Variants in DEGS2 observed in about 807,000 individuals in gnomAD.
DEGS2 encodes the protein sphingolipid delta(4)-desaturase/C4-monooxygenase DES2.
Under a neutral mutation model 23.8 loss-of-function variants are expected in DEGS2, and 19 were observed. That is an observed-to-expected ratio of 0.80 (90% confidence interval 0.56 to 1.17). The LOEUF (loss-of-function observed/expected upper bound fraction) is 1.17. Among genes scored for constraint, DEGS2 ranks in the 50% most tolerant of loss-of-function variants. DEGS2 has a pLI of 0.00. For missense variants in DEGS2, 390 were observed against 459.5 expected (o/e 0.85, Z 1.38); for synonymous variants, 218 against 213.7 (o/e 1.02, Z -0.18).
At chr14:100,146,974 A>G (rs1889458658) in intron 2 of DEGS2, 67 bp from the exon 3 acceptor site, 2 of 1,559,200 alleles carry the variant, frequency 1.3e-6, no homozygotes, top group African/African-American at 2.7e-5. Context: ...GCACACACGC[A>G]GACACCTGAG....
intron 1 of DEGS2, among the ~76,000 whole-genome samples, chr14:100,150,112 C>A (rs35088057): frequency 0.31 from 47,114 of 152,212 alleles, 7,699 homozygotes; most frequent in South Asian, 0.43. Flanking sequence ...CCAGCGCCCG[C>A]AGCAAAGTGG....
At chr14:100,157,570 T>C (rs1283716379) in intron 1 of DEGS2, among the ~76,000 whole-genome samples, 2 of 152,174 alleles carry the variant, frequency 1.3e-5, no homozygotes, top group African/African-American at 2.4e-5. Flanking sequence ...TTCCACAGCA[T>C]ACGGGAGGCA....
upstream of DEGS2, among the ~76,000 whole-genome samples, chr14:100,163,541 C>T (rs745574256): frequency 1.1e-4 from 17 of 152,286 alleles, no homozygotes; most frequent in Middle Eastern, 6.8e-3. Context: ...AGGATCCAAG[C>T]GGCCTCATAG....
intron 1 of DEGS2, among the ~76,000 whole-genome samples, chr14:100,153,558 A>G (rs996935885): frequency 6.6e-6 from 1 of 152,178 alleles, no homozygotes; most frequent in Non-Finnish European, 1.5e-5. Flanking sequence ...GCAGGCCTGC[A>G]TGGGCTCTGG....
intron 1 of DEGS2, among the ~76,000 whole-genome samples, chr14:100,150,030 G>A (rs986939206): frequency 7.2e-5 from 11 of 152,228 alleles, no homozygotes; most frequent in Non-Finnish European, 1.3e-4. Context: ...CAGCGAAGAC[G>A]ATTCAGAGGC....
chr14:100,149,825 G>T, intron 1 of DEGS2, 115 bp from the exon 2 acceptor site: 4 of 1,118,484 alleles, frequency 3.6e-6, no homozygotes, highest in Non-Finnish European at 1.3e-6. Context: ...AGCAAACCTC[G>T]CTGGTCCCTT....
In DEGS2 at chr14:100,159,534, C is replaced by T; in HGVS notation, c.54G>A (p.Pro18=). ...SDFEWVYTDQ[P]HTQRRKEILA... Reference sequence around the variant, plus strand: ...GTATCTCCTTGCGCCGCTGCGTGTGCGGCTGGTCGGTGTAGACCCACTCGA... The same window carrying T: ...GTATCTCCTTGCGCCGCTGCGTGTGTGGCTGGTCGGTGTAGACCCACTCGA... Residue 18 remains proline (P), a synonymous_variant, in exon 1 of 3, where the codon CCG becomes CCA. Coordinates refer to ENST00000305631, the MANE Select transcript of DEGS2 (RefSeq NM_206918.3). 2 of 1,509,974 alleles carry T rather than the reference C, an allele frequency of 1.3e-6. No individual in the cohort carries two copies. The highest frequency in any genetic ancestry group is 1.8e-6 in the Non-Finnish European group (2 of 1,130,888). 93.5% of individuals were successfully genotyped at this position (1,509,974 alleles called of 1,614,324 possible). A position where few individuals can be genotyped will look rare whatever the true frequency, so the allele number is the denominator to read the frequency against.
At chr14:100,155,918 G>A (rs1390139366) in intron 1 of DEGS2, among the ~76,000 whole-genome samples, 3 of 152,038 alleles carry the variant, frequency 2.0e-5, no homozygotes, top group Non-Finnish European at 4.4e-5. Context: ...ACGCCTGGCT[G>A]GGTCTCTGAT....
At position 100,148,972 on chromosome 14, in the gene DEGS2, G is replaced by A. The variant is rs769258060; in HGVS notation, c.821C>T (p.Pro274Leu). 11 of 1,611,270 alleles carry A rather than the reference G, an allele frequency of 6.8e-6. No individual in the cohort carries two copies. The highest frequency in any genetic ancestry group is 3.3e-5 in the Admixed American group (2 of 59,968). The change falls in exon 2 of 3, where the codon CCG becomes CTG. Residue 274 changes from proline (P) to leucine (L), a missense_variant. Coordinates refer to ENST00000305631, the MANE Select transcript of DEGS2 (RefSeq NM_206918.3). ...CCTGCCAGCCCAGCCACATACCAGC[G>A]GCAGGTTGTAGCCCGGGATGCTGGG... ...DFPSIPGYNLPLVRKIAPEYY... is the reference protein window; with the variant it reads ...DFPSIPGYNLLLVRKIAPEYY...
chr14:100,157,385 G>A (rs1341162580), intron 1 of DEGS2, among the ~76,000 whole-genome samples: 1 of 152,344 alleles, frequency 6.6e-6, no homozygotes, highest in Non-Finnish European at 1.5e-5. Context: ...TGAAGCTGGG[G>A]ATAGCCAGGG....
chr14:100,149,675 C>G lies in DEGS2; in HGVS notation c.118G>C (p.Asp40His). The G allele has an allele frequency of 1.2e-6, 2 of 1,609,838 alleles. No homozygotes were observed. Among genetic ancestry groups the G allele is most frequent in the Non-Finnish European group, 1.7e-6 (2 of 1,178,402 alleles). The change falls in exon 2 of 3, where the codon GAC becomes CAC. Residue 40 changes from aspartate (D) to histidine (H), a missense_variant. By Grantham distance (81) the Asp-to-His change is moderately conservative (BLOSUM62 -1). Coordinates refer to ENST00000305631, the MANE Select transcript of DEGS2 (RefSeq NM_206918.3). ...AGCACCGCCCACTTGAGGCGCGGGT[C>G]TGGCCGCATCAGGGCCTTGATGGCC... is the stretch of plus-strand genomic sequence containing the variant. The part of the protein sequence containing the change: ...YPAIKALMRP[D>H]PRLKWAVLVL...
intron 1 of DEGS2, chr14:100,155,832 AAAAC>A (rs768945212): frequency 1.3e-5 from 2 of 151,996 alleles, no homozygotes; most frequent in Admixed American, 6.5e-5. Context: ...TCATAATTTA[AAAAC>A]AAACAAAATT....
At chr14:100,162,070 G>T (rs1190098045), upstream of DEGS2, among the ~76,000 whole-genome samples, 6 of 149,948 alleles carry the variant, frequency 4.0e-5, no homozygotes, top group Non-Finnish European at 5.9e-5. Context: ...TAAATAGGCC[G>T]GGCACGGTGG....
chr14:100,149,281 G>T lies in DEGS2; in HGVS notation c.512C>A (p.Ser171Ter). 1.2e-6 allele frequency: 2 copies of T among 1,612,836 alleles called. No homozygotes were observed. The highest frequency in any genetic ancestry group is 1.7e-6 in the Non-Finnish European group (2 of 1,179,898). ...GGGGTGGACGCAGAGCGGCCGTAGT[G>T]AGTAGAAGAAGGGCTGCAGCACCAG... ...LWLVLQPFFYSLRPLCVHPKA... is the reference protein window; with the variant it reads ...LWLVLQPFFY The change falls in exon 2 of 3, where the codon TCA becomes TAA. Residue 171 changes from serine (S) to a stop codon, truncating the protein, a stop_gained. Coordinates refer to ENST00000305631, the MANE Select transcript of DEGS2 (RefSeq NM_206918.3). LOFTEE classifies it high-confidence loss of function.
chr14:100,164,789 A>G, the DEGS2 span, among the ~76,000 whole-genome samples: 1 of 152,364 alleles, frequency 6.6e-6, no homozygotes, highest in African/African-American at 2.4e-5. Flanking sequence ...AGTAATATCT[A>G]TGAAAGCTGC....
In DEGS2 at chr14:100,149,577, C is replaced by G. The variant is rs1455182947; in HGVS notation, c.216G>C (p.Trp72Cys). 6.2e-7 allele frequency: 1 copy of G among 1,609,142 alleles called. No individual in the cohort carries two copies. Among genetic ancestry groups the G allele is most frequent in the East Asian group, 2.2e-5 (1 of 44,782 alleles). Residue 72 changes from tryptophan (W) to cysteine (C), a missense_variant, in exon 2 of 3, where the codon TGG becomes TGC. By Grantham distance (215) the Trp-to-Cys change is radical. Coordinates refer to ENST00000305631, the MANE Select transcript of DEGS2 (RefSeq NM_206918.3). ...TCACGCAGCCACCAAAGGCGTAGGC[C>G]CAGAACAGCAGCCAGCGCCAGGCCA... The part of the protein sequence containing the change: ...RGLAWRWLLF[W>C]AYAFGGCVNH...
the DEGS2 span, among the ~76,000 whole-genome samples, chr14:100,166,453 C>T: frequency 1.3e-5 from 2 of 152,026 alleles, no homozygotes; most frequent in Non-Finnish European, 2.9e-5. Context: ...GCAGGAGGCG[C>T]CCTACCCTCA....
At chr14:100,153,127 G>A (rs948035394) in intron 1 of DEGS2, among the ~76,000 whole-genome samples, 1 of 151,946 alleles carries the variant, frequency 6.6e-6, no homozygotes, top group African/African-American at 2.4e-5. Flanking sequence ...GTGGTGGTGT[G>A]TGCCTGTGGT....
upstream of DEGS2, among the ~76,000 whole-genome samples, chr14:100,161,952 C>T (rs1040518278): frequency 7.9e-5 from 12 of 151,712 alleles, no homozygotes; most frequent in African/African-American, 2.9e-4. Context: ...CACCTGTAAT[C>T]GAGGCAGGAG....
Sources: allele counts gnomAD v4.1 joint callset (sites outside exome capture counted in the v4.1 genomes callset), GRCh38; gene constraint gnomAD v4.1.1; transcripts MANE v1.5; gene names NCBI Gene and HGNC (gene_info 2026-07-23, HGNC 2026-07-21).